Variants in ZNF415 observed in about 807,000 individuals in gnomAD.
ZNF415 encodes zinc finger protein 415.
In ZNF415, 5 loss-of-function variants were observed where a neutral mutation model predicts 7.3. The observed-to-expected ratio is 0.69, with a 90% CI of 0.36 to 1.44. The LOEUF is 1.44. Among genes scored for constraint, ZNF415 ranks in the 40% most tolerant of loss-of-function variants. The probability of loss-of-function intolerance (pLI) is 0.04; values close to 1 mark genes in which losing one functional copy is unlikely to be tolerated. For synonymous variants in ZNF415, 207 were observed against 226.3 expected (o/e 0.91, Z 0.77); for missense variants, 628 against 664.8 (o/e 0.94, Z 0.61).
chr19:53,108,661 GGA>G lies in ZNF415; in HGVS notation c.1382_1383del (p.Ile461ThrfsTer10), dbSNP rs759179275. On this transcript the variant is annotated frameshift_variant, in exon 4 of 4. Transcript: ENST00000243643. LOFTEE classifies it low-confidence loss of function (END_TRUNC). ...CATTTGTAAGGCTTCTCTCCAGTAT[GGA>G]TGACCTGATGGGTAGTTAAGTTCGA... ...VHSNLTTHQV[I>X]HTGEKPYKCN... 27 of 1,614,068 alleles carry G rather than the reference GGA, an allele frequency of 1.7e-5. No homozygotes were observed. The East Asian group carries it at 6.0e-4, about 36-fold the overall frequency.
At chr19:53,114,200 G>A (rs1014365219) in intron 3 of ZNF415, among the ~76,000 whole-genome samples, 15 of 151,680 alleles carry the variant, frequency 9.9e-5, no homozygotes, top group African/African-American at 3.6e-4. Flanking sequence ...TTTTTGAAAC[G>A]GAGTCTCACT....
At chr19:53,110,666 A>G (rs2086096158) in intron 3 of ZNF415, among the ~76,000 whole-genome samples, 1 of 152,246 alleles carries the variant, frequency 6.6e-6, no homozygotes, top group African/African-American at 2.4e-5. Context: ...GTACAAAGTT[A>G]TAGCCTGTAA....
At chr19:53,125,460 G>A (rs2088901858) in intron 1 of ZNF415, among the ~76,000 whole-genome samples, 2 of 151,448 alleles carry the variant, frequency 1.3e-5, no homozygotes, top group African/African-American at 2.4e-5. Context: ...TCAGCCTCTC[G>A]AGTAGCTAGG....
At chr19:53,110,805 G>A (rs1296950537) in intron 3 of ZNF415, among the ~76,000 whole-genome samples, 2 of 152,134 alleles carry the variant, frequency 1.3e-5, no homozygotes, top group African/African-American at 2.4e-5. Context: ...TTATAAAGAA[G>A]AATTGAAGAA....
chr19:53,116,248 C>T lies in ZNF415; in HGVS notation c.136+65G>A, dbSNP rs757818622. 3 of 1,545,148 alleles carry T rather than the reference C, an allele frequency of 1.9e-6. No individual in the cohort carries two copies. In the South Asian group the frequency reaches 3.8e-5, roughly 20 times the overall value. ...AGGTAATGCAGGGGCTCCCAAGAGG[C>T]ACACAAGGGAAAATGGAAAGATACC... is the stretch of plus-strand genomic sequence containing the variant. On this transcript the variant is annotated intron_variant, in intron 3 of 3. Transcript: ENST00000243643.
At chr19:53,121,278 G>A (rs1409004600) in intron 2 of ZNF415, among the ~76,000 whole-genome samples, 2 of 148,556 alleles carry the variant, frequency 1.3e-5, no homozygotes, top group African/African-American at 2.5e-5. Flanking sequence ...TCAGCTACCT[G>A]GGAGGCTGAG....
chr19:53,131,261 C>T (rs911832226), intron 1 of ZNF415, among the ~76,000 whole-genome samples: 2 of 151,868 alleles, frequency 1.3e-5, no homozygotes, highest in African/African-American at 4.8e-5. Context: ...CTCCCCCTTC[C>T]CCTCCCCCTG....
intron 1 of ZNF415, among the ~76,000 whole-genome samples, chr19:53,128,543 C>G (rs1288335250): frequency 9.0e-6 from 1 of 111,614 alleles, no homozygotes. Context: ...TGACTGTGAG[C>G]GCATCACCTG....
intron 3 of ZNF415, among the ~76,000 whole-genome samples, chr19:53,114,377 A>G (rs554060656): frequency 1.3e-5 from 2 of 152,250 alleles, no homozygotes; most frequent in African/African-American, 4.8e-5. Flanking sequence ...GGGTTTCACC[A>G]TGTTGGTCTT....
At chr19:53,129,114 C>A (rs1452820832) in intron 1 of ZNF415, among the ~76,000 whole-genome samples, 1 of 152,100 alleles carries the variant, frequency 6.6e-6, no homozygotes, top group African/African-American at 2.4e-5. Context: ...GGGTCACGAT[C>A]ATTTAGGGAC....
intron 1 of ZNF415, among the ~76,000 whole-genome samples, chr19:53,127,679 C>G (rs1323002255): frequency 1.3e-5 from 2 of 152,060 alleles, no homozygotes; most frequent in Non-Finnish European, 2.9e-5. Context: ...GAGATCGAGA[C>G]CATCCTGGCC....
rs748967825 is a variant in ZNF415 at position 53,109,679 on chromosome 19, T to C, written c.366A>G (p.Arg122=). The C allele has an allele frequency of 5.0e-6, 8 of 1,614,102 alleles. No individual in the cohort carries two copies. The East Asian group carries it at 1.6e-4, about 31-fold the overall frequency. ...TAPKENLTCR[R]DQRDRRGIGN... is the part of the protein sequence containing the mutation. ...CTATACCTCTTCTATCGCGTTGGTCTCTCCTACAAGTAAGATTTTCTTTTG... is the reference window on the plus strand; with the variant it reads ...CTATACCTCTTCTATCGCGTTGGTCCCTCCTACAAGTAAGATTTTCTTTTG... Residue 122 remains arginine, a synonymous_variant, in exon 4 of 4, where the codon AGA becomes AGG. Coordinates refer to ENST00000243643, the MANE Select transcript of ZNF415 (RefSeq NM_018355.4).
intron 2 of ZNF415, among the ~76,000 whole-genome samples, chr19:53,119,283 A>G (rs80135212): frequency 0.021 from 3,160 of 151,384 alleles, 104 homozygotes; most frequent in African/African-American, 0.071. Flanking sequence ...CTTCGTCTCA[A>G]AAAAAAAGAA....
intron 2 of ZNF415, among the ~76,000 whole-genome samples, chr19:53,117,154 G>T (rs1358044064): frequency 2.0e-5 from 3 of 152,146 alleles, no homozygotes; most frequent in Admixed American, 2.0e-4. Context: ...AAAAGAAAGA[G>T]AATTCGGCTG....
chr19:53,132,534 C>T (rs2090224266), intron 1 of ZNF415, among the ~76,000 whole-genome samples: 1 of 152,186 alleles, frequency 6.6e-6, no homozygotes, highest in Non-Finnish European at 1.5e-5. Context: ...CGGCGCTGCG[C>T]TCCAGGGGCC....
chr19:53,114,662 C>T (rs1248604531), intron 3 of ZNF415, among the ~76,000 whole-genome samples: 1 of 152,112 alleles, frequency 6.6e-6, no homozygotes, highest in Non-Finnish European at 1.5e-5. Context: ...AAGCTAAGAG[C>T]CTGAAAGACT....
At position 53,122,533 on chromosome 19, in the gene ZNF415, C is replaced by A. The variant is rs1013071910; in HGVS notation, c.15+129G>T. The A allele has an allele frequency of 6.3e-6, 10 of 1,597,294 alleles. No homozygotes were observed. The East Asian group carries it at 1.8e-4, about 29-fold the overall frequency. On this transcript the variant is annotated intron_variant, in intron 2 of 3. Coordinates refer to ENST00000243643, the MANE Select transcript of ZNF415 (RefSeq NM_018355.4). ...AGATGAGAAGGACTGAGGGAAGGCA[C>A]GGGTCAATGTGAGCAAACGCGTCAG...
At chr19:53,130,155 A>G (rs2146703748) in intron 1 of ZNF415, among the ~76,000 whole-genome samples, 1 of 152,292 alleles carries the variant, frequency 6.6e-6, no homozygotes, top group Admixed American at 6.5e-5. Flanking sequence ...AGGTTTTATC[A>G]CATTGGTTCC....
At chr19:53,131,584 CCTT>C (rs2090080785) in intron 1 of ZNF415, among the ~76,000 whole-genome samples, 1 of 151,928 alleles carries the variant, frequency 6.6e-6, no homozygotes, top group African/African-American at 2.4e-5. Context: ...CTCATTCTCA[CCTT>C]CTTTCTCTAG....
Sources: allele counts gnomAD v4.1 joint callset (sites outside exome capture counted in the v4.1 genomes callset), GRCh38; gene constraint gnomAD v4.1.1; transcripts MANE v1.5; gene names NCBI Gene and HGNC (gene_info 2026-07-23, HGNC 2026-07-21).